Variants in DLG2 observed in about 807,000 individuals in gnomAD.
DLG2 encodes disks large homolog 2.
In DLG2, 45 loss-of-function variants were observed where a neutral mutation model predicts 132.5. That is an observed-to-expected ratio of 0.34 (90% CI 0.27 to 0.44). DLG2 has a LOEUF of 0.44. DLG2 is among the 20% of genes least tolerant of loss of function. The probability of loss-of-function intolerance (pLI) is 1.00; values close to 1 mark genes in which losing one functional copy is unlikely to be tolerated. For missense variants in DLG2, 1,045 were observed against 1,196.9 expected, an observed-to-expected ratio of 0.87 and a Z score of 1.87; for synonymous variants, 424 against 419.6, an observed-to-expected ratio of 1.01 and a Z score of -0.13.
chr11:85,119,338 G>C (rs1457908343), intron 5 of DLG2, among the ~76,000 whole-genome samples: 1 of 151,950 alleles, frequency 6.6e-6, no homozygotes, highest in African/African-American at 2.4e-5. Flanking sequence ...ATGGAGGCAT[G>C]TCCCAATATT....
chr11:84,982,143 C>A (rs1011043561), intron 6 of DLG2, among the ~76,000 whole-genome samples: 3 of 152,088 alleles, frequency 2.0e-5, no homozygotes, highest in East Asian at 1.9e-4. Context: ...TTTAGTCCAC[C>A]AAGCTCTTCT....
At chr11:84,721,836 C>A (rs1050022907) in intron 6 of DLG2, among the ~76,000 whole-genome samples, 2 of 152,176 alleles carry the variant, frequency 1.3e-5, no homozygotes, top group South Asian at 2.1e-4. Flanking sequence ...ATGGTATTAA[C>A]CCCTAACCTA....
intron 19 of DLG2, among the ~76,000 whole-genome samples, chr11:83,619,124 G>A (rs986744040): frequency 6.6e-6 from 1 of 151,288 alleles, no homozygotes; most frequent in African/African-American, 2.4e-5. Context: ...CCTCTGTGTA[G>A]CATCCTGTAG....
chr11:83,975,768 C>T (rs2154170249), intron 12 of DLG2, among the ~76,000 whole-genome samples: 1 of 152,010 alleles, frequency 6.6e-6, no homozygotes, highest in Admixed American at 6.6e-5. Context: ...ATAGCTCTTT[C>T]AAACATATGT....
intron 5 of DLG2, among the ~76,000 whole-genome samples, chr11:85,135,935 G>C (rs144533744): frequency 6.0e-4 from 91 of 152,272 alleles, no homozygotes; most frequent in African/African-American, 2.0e-3. Context: ...ACCCAGAATG[G>C]AGCAGTGAGG....
chr11:85,364,871 G>A (rs1168625218), intron 3 of DLG2, among the ~76,000 whole-genome samples: 2 of 151,356 alleles, frequency 1.3e-5, no homozygotes, highest in African/African-American at 4.9e-5. Flanking sequence ...CTATCCTTCT[G>A]AGCTTTTTTT....
At chr11:85,543,596 CCCA>C (rs1208582830) in intron 3 of DLG2, among the ~76,000 whole-genome samples, 2 of 152,180 alleles carry the variant, frequency 1.3e-5, no homozygotes, top group Admixed American at 1.3e-4. Context: ...AATTTACACT[CCCA>C]CCAACAATGT....
rs1004722224 is a variant in DLG2, at chr11:84,642,068, G to A, written c.358-107337C>T. Among the ~76,000 whole-genome samples the A allele has an allele frequency of 1.7e-3, 218 of 131,676 alleles. 2 individuals carry two copies. The highest frequency in any genetic ancestry group is 6.9e-3 in the African/African-American group (191 of 27,786). The allele number at this position is 131,676 out of a possible 152,430, so 86.4% of individuals were successfully genotyped here. On this transcript the variant is annotated intron_variant, in intron 6 of 27. Coordinates refer to ENST00000376104, the MANE Select transcript of DLG2 (RefSeq NM_001142699.3). Reference sequence around the variant, plus strand: ...TATATATGTATATATACGCACGCGTGTGTGTGTGTGTGTGTATATGTAGAG... The same window carrying A: ...TATATATGTATATATACGCACGCGTATGTGTGTGTGTGTGTATATGTAGAG...
intron 14 of DLG2, 76 bp downstream of exon 14, chr11:83,962,809 C>A: frequency 1.3e-6 from 2 of 1,561,124 alleles, no homozygotes; most frequent in South Asian, 1.2e-5. Context: ...TCCAAAACAA[C>A]ACCTGACATG....
chr11:83,613,826 C>A (rs2060438779), intron 19 of DLG2, among the ~76,000 whole-genome samples: 1 of 152,156 alleles, frequency 6.6e-6, no homozygotes, highest in Non-Finnish European at 1.5e-5. Context: ...AGATTTGCTG[C>A]ATACTGGGAT....
Position 83,787,340 on chromosome 11 carries a change from T to TTTTTTTTTTTTTTTTTTTTTTG in DLG2, c.1723-549_1723-548insCAAAAAAAAAAAAAAAAAAAAA, listed in dbSNP as rs66699053. Among the ~76,000 whole-genome samples the TTTTTTTTTTTTTTTTTTTTTTG allele has an allele frequency of 1.9e-5, 2 of 102,756 alleles. 1 individual carries two copies. The allele number at this position is 102,756 out of a possible 152,430, so 67.4% of individuals were successfully genotyped here. The stretch of plus-strand genomic sequence containing the variant: ...TTTTTTTTGTTTTTTTTTTTTTTTT[T>TTTTTTTTTTTTTTTTTTTTTTG]AGACAGAGTCTCGCTCTTTCGCCCA... On this transcript the variant is annotated intron_variant, in intron 17 of 27. Coordinates refer to ENST00000376104, the MANE Select transcript of DLG2 (RefSeq NM_001142699.3).
chr11:85,348,369 C>T (rs986912345), intron 3 of DLG2, among the ~76,000 whole-genome samples: 4 of 151,440 alleles, frequency 2.6e-5, no homozygotes. Flanking sequence ...ACTACAGGCC[C>T]GCACCACCAA....
At chr11:84,895,100 G>A (rs566604280) in intron 6 of DLG2, among the ~76,000 whole-genome samples, 1 of 152,146 alleles carries the variant, frequency 6.6e-6, no homozygotes, top group East Asian at 1.9e-4. Flanking sequence ...TTTAATTGTA[G>A]AATTATTACA....
intron 17 of DLG2, among the ~76,000 whole-genome samples, chr11:83,802,221 T>C (rs1045786784): frequency 1.3e-5 from 2 of 152,122 alleles, no homozygotes; most frequent in African/African-American, 2.4e-5. Context: ...TAAATGTCCT[T>C]GCAAACATTG....
At chr11:84,784,143 CAAAAAAAAAAAAAAA>C (rs59301159) in intron 6 of DLG2, among the ~76,000 whole-genome samples, 1 of 8,656 alleles carries the variant, frequency 1.2e-4, no homozygotes, top group Non-Finnish European at 1.9e-4. Context: ...ACTAAAAATG[CAAAAAAAAAAAAAAA>C]AAAAAAAAAA....
intron 3 of DLG2, among the ~76,000 whole-genome samples, chr11:85,396,634 C>A (rs185203122): frequency 6.6e-4 from 100 of 152,186 alleles, no homozygotes; most frequent in African/African-American, 2.0e-3. Context: ...GATGCATGCA[C>A]AAGCTTCAAC....
intron 6 of DLG2, among the ~76,000 whole-genome samples, chr11:84,953,735 G>T (rs1017849649): frequency 3.2e-4 from 49 of 151,968 alleles, no homozygotes; most frequent in African/African-American, 1.2e-3. Context: ...GATGTCTCTA[G>T]AATGCAAAAC....
rs558702536 is a variant in DLG2 at position 84,652,383 on chromosome 11, G to A, written c.358-117652C>T. On this transcript the variant is annotated intron_variant, in intron 6 of 27. Coordinates refer to ENST00000376104, the MANE Select transcript of DLG2 (RefSeq NM_001142699.3). ...TTATTGATTAGGTGTATGGGCTATG[G>A]GAGGAAATTTAGGGTAACGCACACC... is the stretch of plus-strand genomic sequence containing the variant. 2.6e-5 allele frequency among the ~76,000 whole-genome samples: 4 copies of A among 152,250 alleles called. 1 individual carries two copies. The South Asian group carries it at 8.3e-4, about 32-fold the overall frequency.
intron 7 of DLG2, among the ~76,000 whole-genome samples, chr11:84,455,874 A>T (rs1286309459): frequency 6.6e-6 from 1 of 151,382 alleles, no homozygotes; most frequent in African/African-American, 2.4e-5. Context: ...TACAGGCCAA[A>T]AAGATCAATT....
Sources: gnomAD v4.1 joint callset for allele counts (sites outside exome capture counted in the v4.1 genomes callset) on GRCh38, gnomAD v4.1.1 for gene constraint, MANE v1.5 for transcripts, NCBI Gene and HGNC (gene_info 2026-07-23, HGNC 2026-07-21) for gene names.